GABRA3: variants seen among roughly 807,000 people sequenced by gnomAD.
GABRA3 encodes gamma-aminobutyric acid type A receptor subunit alpha3.
A neutral mutation model predicts 30.1 loss-of-function variants in GABRA3; 10 were observed. That is an observed-to-expected ratio of 0.33 (90% CI 0.20 to 0.56). The LOEUF (loss-of-function observed/expected upper bound fraction) is 0.56, where lower values mean the gene tolerates loss of function less well. Ranked by LOEUF, GABRA3 falls within the 20% of genes least tolerant of loss-of-function variation. The probability of loss-of-function intolerance (pLI) is 0.89; values close to 1 mark genes in which losing one functional copy is unlikely to be tolerated. For synonymous variants in GABRA3, 151 were observed against 146.8 expected, an observed-to-expected ratio of 1.03 and a Z score of -0.21; for missense variants, 233 against 392.0, an observed-to-expected ratio of 0.59 and a Z score of 3.42.
chrX:152,380,494 C>A (rs567206668), intron 1 of GABRA3, among the ~76,000 whole-genome samples: 2 of 111,885 alleles, frequency 1.8e-5, no homozygotes, highest in South Asian at 7.5e-4. Flanking sequence ...TTTATCTATT[C>A]ATCTGTTGAT....
intron 4 of GABRA3, among the ~76,000 whole-genome samples, chrX:152,278,668 C>A (rs1939138141): frequency 9.0e-6 from 1 of 111,338 alleles, no homozygotes; most frequent in Non-Finnish European, 1.9e-5. Context: ...AGTTCTAGAT[C>A]CCTGAGGAAT....
At chrX:152,248,325 C>T (rs775227737) in intron 5 of GABRA3, among the ~76,000 whole-genome samples, 2 of 111,336 alleles carry the variant, frequency 1.8e-5, no homozygotes, top group African/African-American at 3.3e-5. Context: ...GTTAAAGTAA[C>T]GTCAGTAGAC....
At chrX:152,293,432 A>G (rs779708392) in intron 3 of GABRA3, among the ~76,000 whole-genome samples, 9 of 109,752 alleles carry the variant, frequency 8.2e-5, no homozygotes, top group African/African-American at 2.3e-4. Context: ...CCATCCCTTT[A>G]TTTTGAGCCT....
intron 1 of GABRA3, among the ~76,000 whole-genome samples, chrX:152,379,530 A>G (rs915566342): frequency 9.0e-6 from 1 of 111,470 alleles, no homozygotes; most frequent in African/African-American, 3.3e-5. Context: ...CTAAGCACCT[A>G]GTTCAATCAG....
At chrX:152,232,433 C>A (rs1040162119) in intron 5 of GABRA3, among the ~76,000 whole-genome samples, 10 of 109,796 alleles carry the variant, frequency 9.1e-5, no homozygotes, top group African/African-American at 3.3e-4. Flanking sequence ...ACCCTTTCAA[C>A]TCTCCAATGT....
intron 3 of GABRA3, among the ~76,000 whole-genome samples, chrX:152,337,588 G>A (rs1487341696): frequency 9.0e-6 from 1 of 111,626 alleles, no homozygotes; most frequent in Non-Finnish European, 1.9e-5. Flanking sequence ...CAGCACTTTG[G>A]GAGGCTAAGG....
chrX:152,222,301 A>G (rs1374216397), intron 6 of GABRA3, among the ~76,000 whole-genome samples: 1 of 105,328 alleles, frequency 9.5e-6, no homozygotes, highest in Non-Finnish European at 1.9e-5. Context: ...CTATTTATCA[A>G]TTTTTCAGTC....
At chrX:152,283,202 A>G (rs1437734473) in intron 4 of GABRA3, among the ~76,000 whole-genome samples, 2 of 111,420 alleles carry the variant, frequency 1.8e-5, no homozygotes, top group Non-Finnish European at 3.8e-5. Context: ...AGGGCAATGG[A>G]GACATACAGG....
rs185158442 is a variant in GABRA3 at position 152,284,664 on chromosome X, T to G, written c.330+4A>C. 1 of 1,168,000 alleles carries G rather than the reference T, an allele frequency of 8.6e-7. No individual in the cohort carries two copies. Among genetic ancestry groups the G allele is most frequent in the South Asian group, 1.8e-5 (1 of 55,577 alleles). ...CTTTTACATTTACCTTTGCAAGAAC[T>G]TACCATGTCAGTGTCTGACACAGGG... On this transcript the variant is annotated splice_donor_region_variant and intron_variant, in intron 4 of 9. Transcript: ENST00000370314.
chrX:152,199,271 C>G (rs993257929), intron 7 of GABRA3, among the ~76,000 whole-genome samples: 1 of 104,687 alleles, frequency 9.6e-6, no homozygotes, highest in Non-Finnish European at 2.0e-5. Flanking sequence ...GAGGCTGAGG[C>G]AGGAGAATGG....
At chrX:152,394,165 A>G (rs1325782509) in intron 1 of GABRA3, among the ~76,000 whole-genome samples, 1 of 111,776 alleles carries the variant, frequency 8.9e-6, no homozygotes, top group Non-Finnish European at 1.9e-5. Context: ...ATTTTGCAGG[A>G]AACTGAAGCA....
At chrX:152,295,111 C>T (rs1186173634) in intron 3 of GABRA3, among the ~76,000 whole-genome samples, 1 of 112,175 alleles carries the variant, frequency 8.9e-6, no homozygotes, top group African/African-American at 3.2e-5. Context: ...TGTCAGTTGG[C>T]CCCTATTGGG....
chrX:152,284,577 T>C, intron 4 of GABRA3, 91 bp downstream of exon 4: 1 of 586,089 alleles, frequency 1.7e-6, no homozygotes, highest in Non-Finnish European at 2.7e-6. Flanking sequence ...CTCCTTAGAA[T>C]ATAGCTACAA....
intron 2 of GABRA3, among the ~76,000 whole-genome samples, chrX:152,360,345 T>C (rs1406851368): frequency 1.2e-5 from 1 of 83,836 alleles, no homozygotes; most frequent in Non-Finnish European, 2.3e-5. Context: ...CCTGACTTTT[T>C]AATGATTGCC....
At chrX:152,268,392 G>C (rs1938868079) in intron 4 of GABRA3, among the ~76,000 whole-genome samples, 1 of 111,816 alleles carries the variant, frequency 8.9e-6, no homozygotes, top group Non-Finnish European at 1.9e-5. Context: ...ATAAAGGGGA[G>C]TGCCCCTGCA....
chrX:152,166,247 G>C lies in GABRA3; in HGVS notation c.*1981C>G, dbSNP rs1224027508. The C allele has an allele frequency of 9.0e-6, 1 of 111,563 alleles. No homozygotes were observed. The highest frequency in any genetic ancestry group is 1.9e-5 in the Non-Finnish European group (1 of 53,118). 9.2% of individuals were successfully genotyped at this position (111,563 alleles called of 1,213,427 possible). A position where few individuals can be genotyped will look rare whatever the true frequency, so the allele number is the denominator to read the frequency against. ...CTGCAGACCAAGTACAATTCAGAAA[G>C]GGTTTAATAAACAGCAGCTAAACAT... On this transcript the variant is annotated 3_prime_UTR_variant, in exon 10 of 10. Transcript: ENST00000370314.
At chrX:152,228,352 A>G (rs144231011) in intron 5 of GABRA3, among the ~76,000 whole-genome samples, 1 of 111,871 alleles carries the variant, frequency 8.9e-6, no homozygotes, top group South Asian at 3.7e-4. Flanking sequence ...AGGTGGGTTG[A>G]GCAAGAAGTG....
At chrX:152,439,724 G>C (rs1405101327) in intron 1 of GABRA3, among the ~76,000 whole-genome samples, 1 of 111,603 alleles carries the variant, frequency 9.0e-6, no homozygotes, top group Non-Finnish European at 1.9e-5. Context: ...ACTGTTGAAT[G>C]AATAAATTAC....
At chrX:152,171,422 A>G (rs1462910319) in intron 9 of GABRA3, 1 of 622,496 alleles carries the variant, frequency 1.6e-6, no homozygotes, top group Non-Finnish European at 1.9e-6. Flanking sequence ...ACAATTTTTT[A>G]CCTAAATCAT....
Sources: allele counts gnomAD v4.1 joint callset (sites outside exome capture counted in the v4.1 genomes callset), GRCh38; gene constraint gnomAD v4.1.1; transcripts MANE v1.5; gene names NCBI Gene and HGNC (gene_info 2026-07-23, HGNC 2026-07-21).